Variants in HNRNPA2B1 observed in about 807,000 individuals in gnomAD.
HNRNPA2B1 encodes heterogeneous nuclear ribonucleoproteins A2/B1.
Under a neutral mutation model 46.3 loss-of-function variants are expected in HNRNPA2B1, and 3 were observed. The observed-to-expected ratio is 0.06, with a 90% CI of 0.03 to 0.17. The LOEUF is 0.17. Ranked by LOEUF, HNRNPA2B1 falls within the 10% of genes least tolerant of loss-of-function variation. The pLI, the probability that HNRNPA2B1 is intolerant of heterozygous loss-of-function variation, is 1.00. For missense variants in HNRNPA2B1, 221 were observed against 418.9 expected, an observed-to-expected ratio of 0.53 and a Z score of 4.12; for synonymous variants, 225 against 133.8, an observed-to-expected ratio of 1.68 and a Z score of -4.70.
At chr7:26,195,438 T>C (rs1783453012) in intron 7 of HNRNPA2B1, among the ~76,000 whole-genome samples, 2 of 152,248 alleles carry the variant, frequency 1.3e-5, no homozygotes, top group South Asian at 4.1e-4. Context: ...TAGGTTACGC[T>C]TTTTGAAAGT....
At chr7:26,196,531 T>A (rs1254680482) in intron 5 of HNRNPA2B1, 26 bp downstream of exon 5, 1 of 1,612,164 alleles carries the variant, frequency 6.2e-7, no homozygotes, top group Non-Finnish European at 8.5e-7. Context: ...TGAACAAAAA[T>A]AAAGAAGAAA....
chr7:26,197,301 C>G lies in HNRNPA2B1; in HGVS notation c.264+14G>C. On this transcript the variant is annotated intron_variant, in intron 3 of 10. Transcript: ENST00000618183. ...TCTTCATGTTAATGCACAAGACAGT[C>G]ATTGTTTGCTTACCTCTCTTGCTAC... 6.3e-7 allele frequency: 1 copy of G among 1,599,542 alleles called. No homozygotes were observed. The highest frequency in any genetic ancestry group is 8.5e-7 in the Non-Finnish European group (1 of 1,172,370).
At chr7:26,193,229 A>G in intron 9 of HNRNPA2B1, 22 bp downstream of exon 9, 1 of 1,601,714 alleles carries the variant, frequency 6.2e-7, no homozygotes, top group Non-Finnish European at 8.5e-7. Flanking sequence ...AAATCTGAAT[A>G]ACCTCAATTT....
In HNRNPA2B1 at chr7:26,193,323, G is replaced by A. The variant is rs1234707634; in HGVS notation, c.892C>T (p.Pro298Ser). The A allele has an allele frequency of 3.7e-6, 6 of 1,612,462 alleles. No homozygotes were observed. The highest frequency in any genetic ancestry group is 3.4e-6 in the Non-Finnish European group (4 of 1,178,626). The change falls in exon 9 of 11, where the codon CCT becomes TCT. Residue 298 changes from proline to serine, a missense_variant. This residue lies in a region of HNRNPA2B1 where 143 missense variants were observed against 200.5 expected (regional missense o/e 0.71). Transcript: ENST00000618183. ...CTCTTCATTGGACCGTAGTTAGAAGGTTGCTGGTTATAATTTCCAAAATCA... is the reference window on the plus strand; with the variant it reads ...CTCTTCATTGGACCGTAGTTAGAAGATTGCTGGTTATAATTTCCAAAATCA... ...YNDFGNYNQQ[P>S]SNYGPMKSGN...
At chr7:26,197,807 T>C in intron 1 of HNRNPA2B1, 75 bp from the exon 2 acceptor site, 3 of 1,604,124 alleles carry the variant, frequency 1.9e-6, no homozygotes, top group Non-Finnish European at 2.6e-6. Flanking sequence ...TTCTTAAATA[T>C]GAGGTGACCT....
At chr7:26,196,723 A>T (rs1369642804) in intron 4 of HNRNPA2B1, 65 bp from the exon 5 acceptor site, 1 of 1,567,474 alleles carries the variant, frequency 6.4e-7, no homozygotes, top group Non-Finnish European at 8.8e-7. Context: ...TCAAAAGTTT[A>T]CCTTTCAATA....
intron 1 of HNRNPA2B1, 55 bp from the exon 2 acceptor site, chr7:26,197,787 G>C: frequency 6.3e-7 from 1 of 1,599,758 alleles, no homozygotes; most frequent in East Asian, 2.2e-5. Context: ...TTTGTATGCA[G>C]GAAATTAAAT....
In HNRNPA2B1 at chr7:26,189,993, A is replaced by G. The variant is rs768452212; in HGVS notation, c.*2367T>C. 6.6e-6 allele frequency: 1 copy of G among 152,286 alleles called. No individual in the cohort carries two copies. The highest frequency in any genetic ancestry group is 1.5e-5 in the Non-Finnish European group (1 of 68,024). The allele number at this position is 152,286 out of a possible 1,614,324, so 9.4% of individuals were successfully genotyped here. On this transcript the variant is annotated 3_prime_UTR_variant, in exon 11 of 11. Coordinates refer to ENST00000618183, the MANE Select transcript of HNRNPA2B1 (RefSeq NM_002137.4). ...AATGTCCACAATGCTCTTCTCATTTACCTGTTAATATTAAAATATGCATAG... is the reference window on the plus strand; with the variant it reads ...AATGTCCACAATGCTCTTCTCATTTGCCTGTTAATATTAAAATATGCATAG...
In HNRNPA2B1 at chr7:26,190,500, T is replaced by C. The variant is rs950821990; in HGVS notation, c.*1860A>G. The stretch of plus-strand genomic sequence containing the variant: ...AAAAAGTATCTGAAGAAGTTTATCA[T>C]GTTTGTCCAAAAGAACCTAAACAAC... On this transcript the variant is annotated 3_prime_UTR_variant, in exon 11 of 11. Coordinates refer to ENST00000618183, the MANE Select transcript of HNRNPA2B1 (RefSeq NM_002137.4). 3.3e-5 allele frequency: 5 copies of C among 152,468 alleles called. No homozygotes were observed. Among genetic ancestry groups the C allele is most frequent in the Admixed American group, 3.3e-4 (5 of 15,280 alleles). The allele number at this position is 152,468 out of a possible 1,614,324, so 9.4% of individuals were successfully genotyped here. A position where few individuals can be genotyped will look rare whatever the true frequency, so the allele number is the denominator to read the frequency against.
In HNRNPA2B1 at chr7:26,192,188, G is replaced by C. The variant is rs1173633133; in HGVS notation, c.*172C>G. On this transcript the variant is annotated 3_prime_UTR_variant, in exon 11 of 11. Coordinates refer to ENST00000618183, the MANE Select transcript of HNRNPA2B1 (RefSeq NM_002137.4). ...AAATAATCCAATCCATTCACAAAAT[G>C]GCTCTCTGCATCTGCTCTGGTGTCT... 4.4e-6 allele frequency: 1 copy of C among 228,020 alleles called. No homozygotes were observed. Among genetic ancestry groups the C allele is most frequent in the East Asian group, 9.0e-5 (1 of 11,108 alleles). 14.1% of individuals were successfully genotyped at this position (228,020 alleles called of 1,614,324 possible).
chr7:26,197,554 T>G, intron 2 of HNRNPA2B1, 68 bp downstream of exon 2: 1 of 1,556,722 alleles, frequency 6.4e-7, no homozygotes, highest in Non-Finnish European at 8.8e-7. Flanking sequence ...GATAGTTATT[T>G]CCTCCATGAT....
chr7:26,190,616 A>C lies in HNRNPA2B1; in HGVS notation c.*1744T>G. 6.6e-6 allele frequency: 1 copy of C among 152,228 alleles called. No individual in the cohort carries two copies. Among genetic ancestry groups the C allele is most frequent in the Non-Finnish European group, 1.5e-5 (1 of 68,032 alleles). The allele number at this position is 152,228 out of a possible 1,614,324, so 9.4% of individuals were successfully genotyped here. ...TCCTGTAAAGGCAATAAAGCCGGGC[A>C]ATCAAACTGATCATATCTAAGGAAT... On this transcript the variant is annotated 3_prime_UTR_variant, in exon 11 of 11. Coordinates refer to ENST00000618183, the MANE Select transcript of HNRNPA2B1 (RefSeq NM_002137.4).
chr7:26,199,485 CT>C (rs1436043555), intron 1 of HNRNPA2B1: 1 of 152,240 alleles, frequency 6.6e-6, no homozygotes, highest in Non-Finnish European at 1.5e-5. Context: ...CGTTATTTCA[CT>C]TTCCTCGTAA....
At chr7:26,194,403 G>C (rs553163262) in intron 7 of HNRNPA2B1, among the ~76,000 whole-genome samples, 1 of 150,714 alleles carries the variant, frequency 6.6e-6, no homozygotes, top group Non-Finnish European at 1.5e-5. Flanking sequence ...CTCAAAAAAC[G>C]AAACAATGTT....
chr7:26,200,429 G>T, intron 1 of HNRNPA2B1, 143 bp downstream of exon 1: 1 of 838,338 alleles, frequency 1.2e-6, no homozygotes, highest in Non-Finnish European at 2.0e-6. Flanking sequence ...TCAAGACCCC[G>T]TTCATAAACC....
intron 7 of HNRNPA2B1, among the ~76,000 whole-genome samples, chr7:26,194,843 C>A (rs376617618): frequency 2.0e-4 from 31 of 151,736 alleles, no homozygotes; most frequent in African/African-American, 7.5e-4. Context: ...GCCTGTAACC[C>A]CAGCGTTTTT....
intron 9 of HNRNPA2B1, among the ~76,000 whole-genome samples, chr7:26,192,983 C>A (rs1385350966): frequency 2.6e-5 from 4 of 152,134 alleles, no homozygotes; most frequent in African/African-American, 9.7e-5. Context: ...ATGTGGGTTG[C>A]AACTGTATTT....
intron 1 of HNRNPA2B1, chr7:26,198,039 C>A (rs1234650296): frequency 6.9e-6 from 3 of 435,148 alleles, no homozygotes; most frequent in Non-Finnish European, 4.0e-6. Flanking sequence ...AAAAAAAAAA[C>A]TTTCTAAGGA....
At chr7:26,200,321 T>A (rs1291882876) in intron 1 of HNRNPA2B1, 2 of 560,612 alleles carry the variant, frequency 3.6e-6, no homozygotes, top group African/African-American at 3.8e-5. Context: ...CGGGGCAGCG[T>A]CCGCCATGTG....
Sources: gnomAD v4.1 joint callset for allele counts (sites outside exome capture counted in the v4.1 genomes callset) on GRCh38, gnomAD v4.1.1 for gene constraint, gnomAD v4.1.1 regional missense constraint, MANE v1.5 for transcripts, NCBI Gene and HGNC (gene_info 2026-07-23, HGNC 2026-07-21) for gene names.